The following PRKAR2A variants were observed in gnomAD, a reference collection of about 807,000 sequenced individuals.
PRKAR2A encodes protein kinase cAMP-dependent type II regulatory subunit alpha.
In PRKAR2A, 29 loss-of-function variants were observed where a neutral mutation model predicts 51.9. The observed-to-expected ratio is 0.56, with a 90% CI of 0.42 to 0.76. The LOEUF is 0.76. Ranked by LOEUF, PRKAR2A falls within the 30% of genes least tolerant of loss-of-function variation. The probability of loss-of-function intolerance (pLI) is 0.00; values close to 1 mark genes in which losing one functional copy is unlikely to be tolerated. For missense variants in PRKAR2A, 445 were observed against 512.1 expected (o/e 0.87, Z 1.26); for synonymous variants, 178 against 186.2 (o/e 0.96, Z 0.36).
chr3:48,752,234 C>G lies in PRKAR2A; in HGVS notation c.1023G>C (p.Leu341=). 6.2e-7 allele frequency: 1 copy of G among 1,614,152 alleles called. No homozygotes were observed. The highest frequency in any genetic ancestry group is 8.5e-7 in the Non-Finnish European group (1 of 1,180,032). The part of the protein sequence containing the change: ...HKGQYFGELA[L]VTNKPRAASA... ...AGGCAGCTCTGGGTTTGTTGGTGAC[C>G]AGGGCAAGCTCTCCAAAGTACTGCC... The change falls in exon 10 of 11, where the codon CTG becomes CTC. Residue 341 remains leucine, a synonymous_variant. Transcript: ENST00000265563.
intron 1 of PRKAR2A, among the ~76,000 whole-genome samples, chr3:48,810,992 C>T (rs1040248213): frequency 2.0e-5 from 3 of 151,956 alleles, no homozygotes; most frequent in Non-Finnish European, 4.4e-5. Context: ...GCCCGCACAA[C>T]ATAGAAAGAC....
intron 1 of PRKAR2A, among the ~76,000 whole-genome samples, chr3:48,834,850 T>A (rs1277016630): frequency 1.3e-5 from 2 of 149,760 alleles, no homozygotes; most frequent in African/African-American, 2.5e-5. Flanking sequence ...ACAAATAAAC[T>A]AATAAAAAAT....
intron 4 of PRKAR2A, among the ~76,000 whole-genome samples, chr3:48,785,667 G>C (rs2082279531): frequency 6.6e-6 from 1 of 152,164 alleles, no homozygotes; most frequent in African/African-American, 2.4e-5. Context: ...AAAGTGCTGG[G>C]ATTACAGGCG....
intron 4 of PRKAR2A, among the ~76,000 whole-genome samples, chr3:48,787,168 ATTT>A (rs1310845444): frequency 1.3e-5 from 2 of 151,434 alleles, no homozygotes; most frequent in Non-Finnish European, 2.9e-5. Context: ...TTATTTATTT[ATTT>A]ATTTATTTAT....
Position 48,804,118 on chromosome 3 carries a change from G to A in PRKAR2A, c.298+3531C>T, listed in dbSNP as rs530617767. Among the ~76,000 whole-genome samples the A allele has an allele frequency of 5.3e-5, 8 of 152,230 alleles. No individual in the cohort carries two copies. In the South Asian group the frequency reaches 6.2e-4, roughly 12 times the overall value. ...GTTCAGCTATTATTGGTACAGGCAC[G>A]AAGTGGAGAATTGAACTTAACAAAG... is the stretch of plus-strand genomic sequence containing the variant. On this transcript the variant is annotated intron_variant, in intron 2 of 10. Transcript: ENST00000265563.
rs138923350 is a variant in PRKAR2A at position 48,765,474 on chromosome 3, A to C, written c.697-125T>G. 8 of 680,432 alleles carry C rather than the reference A, an allele frequency of 1.2e-5. No homozygotes were observed. The East Asian group carries it at 2.2e-4, about 19-fold the overall frequency. 42.1% of individuals were successfully genotyped at this position (680,432 alleles called of 1,614,324 possible). ...TACTGTGTTAATTAAGTGTTTAATGATACTTCAATCTTGAGTCATCACTGG... is the reference window on the plus strand; with the variant it reads ...TACTGTGTTAATTAAGTGTTTAATGCTACTTCAATCTTGAGTCATCACTGG... On this transcript the variant is annotated intron_variant, in intron 6 of 10. Coordinates refer to ENST00000265563, the MANE Select transcript of PRKAR2A (RefSeq NM_004157.4).
At position 48,808,713 on chromosome 3, in the gene PRKAR2A, T is replaced by C. The variant is rs896800909; in HGVS notation, c.263-1029A>G. 4.5e-5 allele frequency among the ~76,000 whole-genome samples: 5 copies of C among 110,430 alleles called. No individual in the cohort carries two copies. In the Admixed American group the frequency reaches 4.8e-4, roughly 11 times the overall value. 72.4% of individuals were successfully genotyped at this position (110,430 alleles called of 152,430 possible). On this transcript the variant is annotated intron_variant, in intron 1 of 10. Coordinates refer to ENST00000265563, the MANE Select transcript of PRKAR2A (RefSeq NM_004157.4). ...TGTATTTTTAGTAGAGACAGGGTTT[T>C]GCCACATTGGCCAGACTGGTCATGA... is the stretch of plus-strand genomic sequence containing the variant.
chr3:48,847,405 T>C lies in PRKAR2A; in HGVS notation c.192A>G (p.Pro64=), dbSNP rs1204376555. 4 of 1,603,796 alleles carry C rather than the reference T, an allele frequency of 2.5e-6. No homozygotes were observed. The highest frequency in any genetic ancestry group is 2.6e-6 in the Non-Finnish European group (3 of 1,175,350). Residue 64 remains proline (P), a synonymous_variant, in exon 1 of 11, where the codon CCA becomes CCG. Coordinates refer to ENST00000265563, the MANE Select transcript of PRKAR2A (RefSeq NM_004157.4). This position sits in a 1 kb window ranked among gnomAD's most constrained non-coding sequence, Gnocchi z 4.4. ...TPRQSLGHPP[P]EPGPDRVADA... is the part of the protein sequence containing the mutation. The stretch of plus-strand genomic sequence containing the variant: ...CGGCGACACGGTCCGGGCCGGGTTC[T>C]GGCGGGGGGTGGCCCAGGCTCTGGC...
intron 2 of PRKAR2A, among the ~76,000 whole-genome samples, chr3:48,796,494 G>A (rs951449390): frequency 6.6e-6 from 1 of 151,840 alleles, no homozygotes; most frequent in Non-Finnish European, 1.5e-5. Context: ...TTTCTCTACG[G>A]TTTGCCCCGC....
intron 1 of PRKAR2A, among the ~76,000 whole-genome samples, chr3:48,829,847 G>GTATA (rs1553681026): frequency 6.3e-5 from 4 of 63,758 alleles, no homozygotes; most frequent in Non-Finnish European, 8.4e-5. Context: ...ATGCGTGTGT[G>GTATA]TATATATATA....
intron 1 of PRKAR2A, among the ~76,000 whole-genome samples, chr3:48,813,473 T>TCA (rs1408356473): frequency 1.3e-5 from 2 of 151,750 alleles, no homozygotes; most frequent in African/African-American, 2.4e-5. Context: ...AGGCGGCGGA[T>TCA]CACGAGGTCA....
rs1240256270 is a variant in PRKAR2A at position 48,747,043 on chromosome 3, T to A, written c.*4542A>T. On this transcript the variant is annotated 3_prime_UTR_variant, in exon 11 of 11. Coordinates refer to ENST00000265563, the MANE Select transcript of PRKAR2A (RefSeq NM_004157.4). ...TGAGGTTAGTGACAGTTCTTGTCCTTTTTTTTTTTTTTTTTTTTTTTTTTA... is the reference window on the plus strand; with the variant it reads ...TGAGGTTAGTGACAGTTCTTGTCCTATTTTTTTTTTTTTTTTTTTTTTTTA... 1.7e-4 allele frequency: 3 copies of A among 17,448 alleles called. No individual in the cohort carries two copies. The highest frequency in any genetic ancestry group is 0.033 in the Middle Eastern group (1 of 30). The allele number at this position is 17,448 out of a possible 1,614,324, so 1.1% of individuals were successfully genotyped here.
chr3:48,781,188 G>A (rs1389362203), intron 5 of PRKAR2A, among the ~76,000 whole-genome samples: 1 of 128,498 alleles, frequency 7.8e-6, no homozygotes, highest in Non-Finnish European at 1.6e-5. Flanking sequence ...GTTTCACCAT[G>A]TTGGCCAGGC....
intron 9 of PRKAR2A, among the ~76,000 whole-genome samples, chr3:48,754,314 T>A (rs1159878158): frequency 1.3e-5 from 2 of 151,278 alleles, no homozygotes; most frequent in East Asian, 3.9e-4. Context: ...CTCAGCTCAC[T>A]GCAACCTCCG....
chr3:48,841,573 T>C (rs2083382937), intron 1 of PRKAR2A, among the ~76,000 whole-genome samples: 1 of 148,312 alleles, frequency 6.7e-6, no homozygotes, highest in South Asian at 2.1e-4. Context: ...AAAAAAGGTG[T>C]TTTGGTTATA....
chr3:48,834,355 C>T (rs1024669233), intron 1 of PRKAR2A, among the ~76,000 whole-genome samples: 5 of 151,926 alleles, frequency 3.3e-5, no homozygotes, highest in African/African-American at 4.8e-5. Flanking sequence ...ACCTGAAGCA[C>T]AGCAACACGG....
chr3:48,835,621 C>T (rs529723534), intron 1 of PRKAR2A, among the ~76,000 whole-genome samples: 24 of 122,888 alleles, frequency 2.0e-4, no homozygotes, highest in Admixed American at 3.9e-4. Flanking sequence ...GCCTGGGGGA[C>T]AGAGCAAGAC....
At chr3:48,823,787 A>AG (rs2083010518) in intron 1 of PRKAR2A, among the ~76,000 whole-genome samples, 1 of 135,802 alleles carries the variant, frequency 7.4e-6, no homozygotes, top group African/African-American at 2.9e-5. Flanking sequence ...CCCCGTCTCC[A>AG]AAAAAAAAAA....
At chr3:48,771,838 T>C (rs1241074381) in intron 6 of PRKAR2A, among the ~76,000 whole-genome samples, 1 of 152,224 alleles carries the variant, frequency 6.6e-6, no homozygotes, top group African/African-American at 2.4e-5. Flanking sequence ...TGTGCAGTGT[T>C]CTATAAATTT....
Sources: gnomAD v4.1 joint callset for allele counts (sites outside exome capture counted in the v4.1 genomes callset) on GRCh38, gnomAD v4.1.1 for gene constraint, Gnocchi (gnomAD v3.1) non-coding constraint, MANE v1.5 for transcripts, NCBI Gene and HGNC (gene_info 2026-07-23, HGNC 2026-07-21) for gene names.